Variants in RBM19 observed in about 807,000 individuals in gnomAD.
The protein encoded by RBM19 is probable RNA-binding protein 19.
RBM19 carries 94 observed loss-of-function variants against 116.8 expected under a neutral mutation model. The ratio of observed to expected loss-of-function variants is 0.80; its 90% confidence interval spans 0.68 to 0.95. The LOEUF is 0.95. Among genes scored for constraint, RBM19 ranks in the 40% least tolerant of loss-of-function variants. The probability of loss-of-function intolerance (pLI) is 0.00; values close to 1 mark genes in which losing one functional copy is unlikely to be tolerated. For synonymous variants in RBM19, 475 were observed against 494.1 expected (o/e 0.96, Z 0.51); for missense variants, 1,161 against 1,220.7 (o/e 0.95, Z 0.73).
intron 21 of RBM19, among the ~76,000 whole-genome samples, chr12:113,872,387 G>A (rs1214576339): frequency 2.7e-4 from 41 of 149,702 alleles, no homozygotes; most frequent in African/African-American, 1.0e-3. Flanking sequence ...CCGTCCGGGA[G>A]GGAGGTGGGG....
chr12:113,829,913 T>C (rs10744802), intron 23 of RBM19, among the ~76,000 whole-genome samples: 140,125 of 152,316 alleles, frequency 0.92, 64,478 homozygotes, highest in East Asian at 0.97. Flanking sequence ...AGGGGCGAGC[T>C]GCAGGGACCA....
chr12:113,849,797 T>G (rs1412385734), intron 22 of RBM19, among the ~76,000 whole-genome samples: 2 of 152,198 alleles, frequency 1.3e-5, no homozygotes, highest in African/African-American at 4.8e-5. Flanking sequence ...CCATCATTGA[T>G]GGCCAGGGCT....
At chr12:113,886,019 G>A (rs912121431) in intron 21 of RBM19, among the ~76,000 whole-genome samples, 1 of 151,122 alleles carries the variant, frequency 6.6e-6, no homozygotes, top group African/African-American at 2.4e-5. Flanking sequence ...CAGGCTCCCC[G>A]CCACCATGCC....
chr12:113,951,354 C>A (rs570232850), intron 8 of RBM19, among the ~76,000 whole-genome samples: 1 of 152,218 alleles, frequency 6.6e-6, no homozygotes, highest in East Asian at 1.9e-4. Context: ...CTTCCTGCTC[C>A]CTCCCTGGTC....
At chr12:113,917,759 G>A (rs1231352047) in intron 20 of RBM19, among the ~76,000 whole-genome samples, 5 of 152,190 alleles carry the variant, frequency 3.3e-5, no homozygotes, top group Non-Finnish European at 5.9e-5. Context: ...CTTACGCTGG[G>A]CACCTGTTAT....
intron 22 of RBM19, among the ~76,000 whole-genome samples, chr12:113,848,021 C>T (rs1040216127): frequency 2.6e-5 from 4 of 152,220 alleles, no homozygotes; most frequent in Non-Finnish European, 5.9e-5. Context: ...GTTCAAATCC[C>T]TGCTCCAGTG....
rs1229485866 is a variant in RBM19 at position 113,950,069 on chromosome 12, C to T, written c.1072+14G>A. On this transcript the variant is annotated intron_variant, in intron 9 of 23. Transcript: ENST00000261741. ...CTGTAACACAGAGAGAGCACATGGC[C>T]AGGGCTTCCTTACCCATGTACTCCC... is the stretch of plus-strand genomic sequence containing the variant. 6.3e-7 allele frequency: 1 copy of T among 1,586,350 alleles called. No homozygotes were observed. Among genetic ancestry groups the T allele is most frequent in the Non-Finnish European group, 8.7e-7 (1 of 1,155,428 alleles).
intron 16 of RBM19, among the ~76,000 whole-genome samples, chr12:113,934,603 C>T (rs558781612): frequency 1.1e-3 from 173 of 152,228 alleles, no homozygotes; most frequent in African/African-American, 4.1e-3. Flanking sequence ...TGTGGAGTGG[C>T]CATTCCAGGG....
intron 21 of RBM19, among the ~76,000 whole-genome samples, chr12:113,896,039 A>G (rs1292342001): frequency 6.6e-6 from 1 of 152,124 alleles, no homozygotes; most frequent in African/African-American, 2.4e-5. Flanking sequence ...TGCTGGGTGC[A>G]TGGTAGGGGT....
Position 113,858,775 on chromosome 12 carries a change from G to T in RBM19, c.2664+16C>A. Reference sequence around the variant, plus strand: ...GGGGAGGCCTGGACAGGTGGGGAAGGGATTCACGGTCTCACCTTCGCATCC... The same window carrying T: ...GGGGAGGCCTGGACAGGTGGGGAAGTGATTCACGGTCTCACCTTCGCATCC... On this transcript the variant is annotated intron_variant, in intron 22 of 23. Transcript: ENST00000261741. The T allele has an allele frequency of 1.2e-6, 2 of 1,611,928 alleles. No individual in the cohort carries two copies. Among genetic ancestry groups the T allele is most frequent in the Non-Finnish European group, 1.7e-6 (2 of 1,178,418 alleles).
At chr12:113,961,421 T>C (rs184265107) in intron 2 of RBM19, among the ~76,000 whole-genome samples, 1 of 152,212 alleles carries the variant, frequency 6.6e-6, no homozygotes. Flanking sequence ...TATACAAAAG[T>C]ACAATGGAAG....
intron 22 of RBM19, among the ~76,000 whole-genome samples, chr12:113,856,715 G>A (rs533872604): frequency 3.3e-5 from 5 of 152,160 alleles, no homozygotes; most frequent in African/African-American, 7.2e-5. Context: ...CAAATAAGAA[G>A]GGGAACACCC....
intron 22 of RBM19, among the ~76,000 whole-genome samples, chr12:113,856,900 C>T (rs1877955280): frequency 6.6e-6 from 1 of 152,208 alleles, no homozygotes; most frequent in Non-Finnish European, 1.5e-5. Context: ...GGGGAGGAAA[C>T]TGAGGCACAC....
intron 23 of RBM19, among the ~76,000 whole-genome samples, chr12:113,838,184 A>C (rs746146665): frequency 5.3e-5 from 8 of 152,178 alleles, no homozygotes; most frequent in Non-Finnish European, 1.0e-4. Context: ...CACACACATA[A>C]CTGCACTCAC....
intron 21 of RBM19, among the ~76,000 whole-genome samples, chr12:113,884,464 C>T (rs924528902): frequency 6.6e-6 from 1 of 152,158 alleles, no homozygotes; most frequent in Non-Finnish European, 1.5e-5. Context: ...CTACTGGCCT[C>T]TCTAGTGGGT....
chr12:113,866,605 T>C (rs921232592), intron 21 of RBM19, among the ~76,000 whole-genome samples: 1 of 152,208 alleles, frequency 6.6e-6, no homozygotes, highest in African/African-American at 2.4e-5. Context: ...GACTGATACC[T>C]GGACTGGTAG....
At chr12:113,882,629 G>C (rs1418152041) in intron 21 of RBM19, among the ~76,000 whole-genome samples, 1 of 152,260 alleles carries the variant, frequency 6.6e-6, no homozygotes. Flanking sequence ...CACGGGGGGA[G>C]GGAGAAGACT....
In RBM19 at chr12:113,959,364, T is replaced by C; in HGVS notation, c.419A>G (p.His140Arg). The C allele has an allele frequency of 6.2e-7, 1 of 1,612,364 alleles. No homozygotes were observed. The highest frequency in any genetic ancestry group is 8.5e-7 in the Non-Finnish European group (1 of 1,178,468). ...AGTGGCTGCCTGCGCCCGCCTCTGATGAACTGACAGAAACTCCTGGAACTC... is the reference window on the plus strand; with the variant it reads ...AGTGGCTGCCTGCGCCCGCCTCTGACGAACTGACAGAAACTCCTGGAACTC... ...DTEFQEFLSVHQRRAQAATWA... is the reference protein window; with the variant it reads ...DTEFQEFLSVRQRRAQAATWA... Residue 140 changes from histidine (H) to arginine (R), a missense_variant, in exon 5 of 24, where the codon CAT becomes CGT. By Grantham distance (29) the His-to-Arg change is conservative. Coordinates refer to ENST00000261741, the MANE Select transcript of RBM19 (RefSeq NM_016196.4).
At position 113,940,049 on chromosome 12, in the gene RBM19, G is replaced by T. The variant is rs776220591; in HGVS notation, c.1849C>A (p.Leu617Met). The change falls in exon 15 of 24, where the codon CTG becomes ATG. Residue 617 changes from leucine to methionine, a missense_variant. Leu to Met is a conservative substitution (Grantham distance 15, BLOSUM62 2). Transcript: ENST00000261741. ...FGHFGSLGRVLLPEGGITAIV... is the reference protein window; with the variant it reads ...FGHFGSLGRVMLPEGGITAIV... Reference sequence around the variant, plus strand: ...GCAGTGATTCCGCCCTCTGGCAGCAGCACGCGGCCCAGGCTGCCAAAATGG... The same window carrying T: ...GCAGTGATTCCGCCCTCTGGCAGCATCACGCGGCCCAGGCTGCCAAAATGG... 6.2e-7 allele frequency: 1 copy of T among 1,613,932 alleles called. No homozygotes were observed. The highest frequency in any genetic ancestry group is 1.7e-5 in the Admixed American group (1 of 60,010).
Sources: allele counts gnomAD v4.1 joint callset (sites outside exome capture counted in the v4.1 genomes callset), GRCh38; gene constraint gnomAD v4.1.1; transcripts MANE v1.5; gene names NCBI Gene and HGNC (gene_info 2026-07-23, HGNC 2026-07-21).